Variants in TNPO1 observed in about 807,000 individuals in gnomAD.
TNPO1 encodes transportin-1.
In TNPO1, 8 loss-of-function variants were observed where a neutral mutation model predicts 119.5. The ratio of observed to expected loss-of-function variants is 0.07; its 90% CI spans 0.04 to 0.12. The LOEUF (loss-of-function observed/expected upper bound fraction) is 0.12, where lower values mean the gene tolerates loss of function less well. Ranked by LOEUF, TNPO1 falls within the 10% of genes least tolerant of loss-of-function variation. TNPO1 has a pLI of 1.00. For missense variants in TNPO1, 576 were observed against 1,089.8 expected (o/e 0.53, Z 6.64); for synonymous variants, 362 against 363.0 (o/e 1.00, Z 0.03).
At position 72,876,043 on chromosome 5, in the gene TNPO1, G is replaced by A. The variant is rs527803595; in HGVS notation, c.801+306G>A. On this transcript the variant is annotated intron_variant, in intron 8 of 24. Coordinates refer to ENST00000337273, the MANE Select transcript of TNPO1 (RefSeq NM_002270.4). ...AAGATCTGTTAAAAGGCTAGCATTC[G>A]TGGTATGCAGCAACTCCTGTTCTAA... Among the ~76,000 whole-genome samples, 7 of 152,240 alleles carry A rather than the reference G, an allele frequency of 4.6e-5. No individual in the cohort carries two copies. The East Asian group carries it at 5.8e-4, about 13-fold the overall frequency.
At chr5:72,834,092 C>T (rs192993687) in intron 1 of TNPO1, among the ~76,000 whole-genome samples, 6 of 152,100 alleles carry the variant, frequency 3.9e-5, no homozygotes, top group African/African-American at 7.2e-5. Flanking sequence ...GCTTCTATTG[C>T]GTCTTGATGC....
At chr5:72,858,993 A>C (rs1746225060) in intron 4 of TNPO1, among the ~76,000 whole-genome samples, 1 of 146,910 alleles carries the variant, frequency 6.8e-6, no homozygotes, top group African/African-American at 2.5e-5. Context: ...GCCTAATCTT[A>C]GTTTACATGA....
At chr5:72,849,101 G>A (rs185525574) in intron 2 of TNPO1, among the ~76,000 whole-genome samples, 4 of 152,314 alleles carry the variant, frequency 2.6e-5, no homozygotes, top group Admixed American at 1.3e-4. Flanking sequence ...GCCTCACCCT[G>A]GGGTTACTGG....
chr5:72,896,914 G>T (rs1274286878), intron 19 of TNPO1, 142 bp from the exon 20 acceptor site: 6 of 472,304 alleles, frequency 1.3e-5, no homozygotes, highest in Non-Finnish European at 2.2e-5. Flanking sequence ...TGATATTTTT[G>T]TAATTGCTTT....
rs1750621354 is a variant in TNPO1 at position 72,912,315 on chromosome 5, T to C, written c.*3642T>C. 6.6e-6 allele frequency: 1 copy of C among 152,518 alleles called. No individual in the cohort carries two copies. Among genetic ancestry groups the C allele is most frequent in the Admixed American group, 6.5e-5 (1 of 15,274 alleles). 9.4% of individuals were successfully genotyped at this position (152,518 alleles called of 1,614,324 possible). On this transcript the variant is annotated 3_prime_UTR_variant, in exon 25 of 25. Coordinates refer to ENST00000337273, the MANE Select transcript of TNPO1 (RefSeq NM_002270.4). ...ACACTGTGATTTTTTTGGTTAAGAC[T>C]TTTTCATTGATCTGAATTGCTTAAA...
chr5:72,907,455 G>A (rs1750252380), intron 24 of TNPO1, among the ~76,000 whole-genome samples: 1 of 152,002 alleles, frequency 6.6e-6, no homozygotes, highest in Non-Finnish European at 1.5e-5. Flanking sequence ...AGGAGAAAAG[G>A]GATTGCTTAT....
chr5:72,887,286 G>C lies in TNPO1; in HGVS notation c.1303+64G>C, dbSNP rs567049089. ...CTTACTACTATTAGGTACTAATAAG[G>C]CTAGGCTACTTTAAGGAATTTCTAT... On this transcript the variant is annotated intron_variant, in intron 12 of 24. Coordinates refer to ENST00000337273, the MANE Select transcript of TNPO1 (RefSeq NM_002270.4). 3 of 1,070,226 alleles carry C rather than the reference G, an allele frequency of 2.8e-6. No individual in the cohort carries two copies. In the Admixed American group the frequency reaches 7.7e-5, roughly 28 times the overall value. 66.3% of individuals were successfully genotyped at this position (1,070,226 alleles called of 1,614,324 possible). A position where few individuals can be genotyped will look rare whatever the true frequency, so the allele number is the denominator to read the frequency against.
chr5:72,883,330 C>A, intron 11 of TNPO1, 98 bp downstream of exon 11: 1 of 658,448 alleles, frequency 1.5e-6, no homozygotes. Context: ...TTAAAGTATA[C>A]ATTTCATTGG....
chr5:72,873,141 T>G (rs1408345426), intron 7 of TNPO1, among the ~76,000 whole-genome samples: 1 of 152,090 alleles, frequency 6.6e-6, no homozygotes, highest in East Asian at 1.9e-4. Flanking sequence ...GGACAGTATT[T>G]TCCATTGGTT....
At chr5:72,882,923 G>T in intron 10 of TNPO1, 141 bp from the exon 11 acceptor site, 1 of 673,606 alleles carries the variant, frequency 1.5e-6, no homozygotes, top group Non-Finnish European at 2.6e-6. Context: ...CTGTACATGG[G>T]CGTGGTTCTT....
rs1749949612 is a variant in TNPO1, at chr5:72,903,756, AGAT to A, written c.2566_2568del (p.Asp856del). The A allele has an allele frequency of 6.2e-7, 1 of 1,608,976 alleles. No homozygotes were observed. Among genetic ancestry groups the A allele is most frequent in the Admixed American group, 1.7e-5 (1 of 59,374 alleles). On this transcript the variant is annotated inframe_deletion, in exon 23 of 25. Coordinates refer to ENST00000337273, the MANE Select transcript of TNPO1 (RefSeq NM_002270.4). ...CCGTTGCATCATGGATTAACCCAAA[AGAT>A]GATCTCAGAGACATGTTCTGTAAGG...
intron 11 of TNPO1, among the ~76,000 whole-genome samples, chr5:72,883,742 T>C (rs1013793054): frequency 1.6e-4 from 25 of 152,078 alleles, no homozygotes; most frequent in Admixed American, 1.6e-3. Flanking sequence ...TTTGTTTGTT[T>C]GTTTGTTTTT....
chr5:72,904,803 C>A (rs184513506), intron 23 of TNPO1, among the ~76,000 whole-genome samples: 2 of 152,090 alleles, frequency 1.3e-5, no homozygotes. Context: ...GTCCCCGCCA[C>A]ACACACAAAA....
intron 6 of TNPO1, among the ~76,000 whole-genome samples, chr5:72,867,208 C>G (rs2112340951): frequency 1.3e-5 from 2 of 151,668 alleles, no homozygotes; most frequent in African/African-American, 4.8e-5. Flanking sequence ...TTGATTAATA[C>G]CCATTTGAGA....
rs1750712447 is a variant in TNPO1 at position 72,913,798 on chromosome 5, T to G, written c.*5125T>G. 2 of 152,716 alleles carry G rather than the reference T, an allele frequency of 1.3e-5. No homozygotes were observed. Among genetic ancestry groups the G allele is most frequent in the Middle Eastern group, 3.4e-3 (1 of 294 alleles). The allele number at this position is 152,716 out of a possible 1,614,324, so 9.5% of individuals were successfully genotyped here. ...ATATTACTGTGTTGTTGTTTTCCTT[T>G]GTGGATATATAAGCAAATTGAGCTT... On this transcript the variant is annotated 3_prime_UTR_variant, in exon 25 of 25. Transcript: ENST00000337273.
intron 1 of TNPO1, among the ~76,000 whole-genome samples, chr5:72,831,070 C>G (rs182975774): frequency 6.6e-6 from 1 of 152,172 alleles, no homozygotes; most frequent in East Asian, 1.9e-4. Context: ...TAAGAAGACT[C>G]TTATTGATGA....
chr5:72,845,347 TA>T (rs747731579), intron 1 of TNPO1, among the ~76,000 whole-genome samples: 4 of 152,212 alleles, frequency 2.6e-5, no homozygotes, highest in East Asian at 3.8e-4. Context: ...TTCTACCTCA[TA>T]TAATAATCCT....
intron 7 of TNPO1, among the ~76,000 whole-genome samples, chr5:72,873,386 C>CTGA (rs576941912): frequency 1.6e-3 from 248 of 152,134 alleles, no homozygotes; most frequent in African/African-American, 5.8e-3. Flanking sequence ...AGTCAGACTG[C>CTGA]TGATACTACT....
At chr5:72,867,938 T>C (rs956633095) in intron 6 of TNPO1, among the ~76,000 whole-genome samples, 1 of 152,220 alleles carries the variant, frequency 6.6e-6, no homozygotes, top group Non-Finnish European at 1.5e-5. Flanking sequence ...GATAATACTT[T>C]GCTATCATTA....
Sources: allele counts gnomAD v4.1 joint callset (sites outside exome capture counted in the v4.1 genomes callset), GRCh38; gene constraint gnomAD v4.1.1; transcripts MANE v1.5; gene names NCBI Gene and HGNC (gene_info 2026-07-23, HGNC 2026-07-21).